Variants in IPCEF1 observed in about 807,000 individuals in gnomAD.
IPCEF1 encodes the protein interactor protein for cytohesin exchange factors 1.
A neutral mutation model predicts 50.9 loss-of-function variants in IPCEF1; 31 were observed. The observed-to-expected ratio is 0.61, with a 90% CI of 0.46 to 0.82. The LOEUF is 0.82. Among genes scored for constraint, IPCEF1 ranks in the 40% least tolerant of loss-of-function variants. The pLI, the probability that IPCEF1 is intolerant of heterozygous loss-of-function variation, is 0.00. For missense variants in IPCEF1, 458 were observed against 514.0 expected, an observed-to-expected ratio of 0.89 and a Z score of 1.05; for synonymous variants, 181 against 192.0, an observed-to-expected ratio of 0.94 and a Z score of 0.47.
chr6:154,236,048 C>T (rs1377472883), intron 5 of IPCEF1, among the ~76,000 whole-genome samples: 2 of 152,160 alleles, frequency 1.3e-5, no homozygotes, highest in Non-Finnish European at 2.9e-5. Flanking sequence ...AGCAATTCCA[C>T]CTCTAGGTAT....
intron 3 of IPCEF1, 103 bp downstream of exon 3, chr6:154,265,809 T>C: frequency 2.5e-6 from 2 of 789,340 alleles, no homozygotes; most frequent in Non-Finnish European, 4.2e-6. Flanking sequence ...CTAATGAAAT[T>C]GAGGACAATA....
At chr6:154,250,135 A>G (rs930035669) in intron 3 of IPCEF1, among the ~76,000 whole-genome samples, 5 of 152,148 alleles carry the variant, frequency 3.3e-5, no homozygotes, top group African/African-American at 1.2e-4. Context: ...GACAGTGAAA[A>G]CAATCTTTGA....
chr6:154,294,838 G>T (rs975394081), intron 1 of IPCEF1, among the ~76,000 whole-genome samples: 30 of 152,128 alleles, frequency 2.0e-4, no homozygotes, highest in Admixed American at 7.2e-4. Context: ...AGGAGTTCAA[G>T]ATCACCCTGG....
chr6:154,220,489 G>A (rs1005173319), intron 7 of IPCEF1, among the ~76,000 whole-genome samples: 7 of 152,012 alleles, frequency 4.6e-5, no homozygotes, highest in Non-Finnish European at 1.0e-4. Context: ...AAACCCACAA[G>A]AAACACAAAA....
At chr6:154,164,704 C>T (rs933294646) in intron 11 of IPCEF1, among the ~76,000 whole-genome samples, 5 of 152,086 alleles carry the variant, frequency 3.3e-5, no homozygotes, top group African/African-American at 7.2e-5. Flanking sequence ...AGAGTAGCTA[C>T]GGGAAGAAAG....
At chr6:154,211,713 A>C (rs1391240799) in intron 9 of IPCEF1, among the ~76,000 whole-genome samples, 1 of 152,242 alleles carries the variant, frequency 6.6e-6, no homozygotes, top group African/African-American at 2.4e-5. Flanking sequence ...AAAAAAGATT[A>C]AAAGTGACAT....
chr6:154,347,982 G>T (rs1456289629), intron 1 of IPCEF1, among the ~76,000 whole-genome samples: 1 of 152,128 alleles, frequency 6.6e-6, no homozygotes, highest in African/African-American at 2.4e-5. Flanking sequence ...TACAGCTAAT[G>T]CCAACTTGAA....
chr6:154,332,309 G>GT lies in IPCEF1; in HGVS notation c.-62+24362dup, dbSNP rs1783691958. 3.4e-4 allele frequency among the ~76,000 whole-genome samples: 39 copies of GT among 115,010 alleles called. No homozygotes were observed. In the South Asian group the frequency reaches 0.01, roughly 31 times the overall value. The allele number at this position is 115,010 out of a possible 152,430, so 75.5% of individuals were successfully genotyped here. On this transcript the variant is annotated intron_variant, in intron 1 of 11. Transcript: ENST00000367220. ...AGTGGTTTTTTTTTTTTTTTTTACT[G>GT]TTTTTTTAGAGATAGGGTCATGCTA...
intron 5 of IPCEF1, among the ~76,000 whole-genome samples, chr6:154,239,528 G>A (rs1258493985): frequency 6.6e-6 from 1 of 152,168 alleles, no homozygotes; most frequent in Non-Finnish European, 1.5e-5. Context: ...TTTGATCCAT[G>A]AGTCATTGTC....
intron 8 of IPCEF1, among the ~76,000 whole-genome samples, chr6:154,213,996 G>A (rs566642285): frequency 7.9e-5 from 12 of 152,316 alleles, no homozygotes; most frequent in African/African-American, 2.6e-4. Flanking sequence ...CGGAGTGTGG[G>A]TGAAGTGTGA....
At chr6:154,328,745 T>C (rs958933848) in intron 1 of IPCEF1, among the ~76,000 whole-genome samples, 5 of 152,212 alleles carry the variant, frequency 3.3e-5, no homozygotes, top group African/African-American at 9.6e-5. Context: ...GTGTACTCGT[T>C]TCTAAAATGT....
At chr6:154,279,039 C>A (rs898605049) in intron 2 of IPCEF1, among the ~76,000 whole-genome samples, 4 of 150,434 alleles carry the variant, frequency 2.7e-5, no homozygotes, top group African/African-American at 9.8e-5. Flanking sequence ...GTGAGAGGAT[C>A]CCTTGAACCT....
intron 9 of IPCEF1, among the ~76,000 whole-genome samples, chr6:154,212,358 C>T (rs576128686): frequency 6.6e-6 from 1 of 152,194 alleles, no homozygotes; most frequent in Non-Finnish European, 1.5e-5. Flanking sequence ...TCTGGCTCTC[C>T]TTTTTTCTTT....
intron 5 of IPCEF1, among the ~76,000 whole-genome samples, chr6:154,233,440 GT>G (rs991216778): frequency 2.6e-5 from 4 of 152,012 alleles, no homozygotes; most frequent in Non-Finnish European, 5.9e-5. Context: ...TTGCGTTTGG[GT>G]TTAGCTAACA....
chr6:154,182,653 T>C (rs1183841837), intron 10 of IPCEF1, among the ~76,000 whole-genome samples: 1 of 152,166 alleles, frequency 6.6e-6, no homozygotes, highest in African/African-American at 2.4e-5. Context: ...TAAAATACGT[T>C]TATGAGGTAT....
At chr6:154,349,271 A>G (rs182097718) in intron 1 of IPCEF1, among the ~76,000 whole-genome samples, 1 of 151,918 alleles carries the variant, frequency 6.6e-6, no homozygotes, top group Non-Finnish European at 1.5e-5. Context: ...TGCCTACTGC[A>G]ACCTCAATCT....
intron 1 of IPCEF1, among the ~76,000 whole-genome samples, chr6:154,316,661 A>G (rs574474428): frequency 6.6e-6 from 1 of 152,316 alleles, no homozygotes; most frequent in Admixed American, 6.5e-5. Context: ...AAGTTCAATG[A>G]AACAGGAGAA....
chr6:154,180,185 A>C (rs1198807265), intron 10 of IPCEF1, among the ~76,000 whole-genome samples: 1 of 152,086 alleles, frequency 6.6e-6, no homozygotes, highest in Non-Finnish European at 1.5e-5. Context: ...TCCCTGCTTA[A>C]AAGTGTCAGT....
rs931051968 is a variant in IPCEF1 at position 154,247,252 on chromosome 6, G to A, written c.76+197C>T. On this transcript the variant is annotated intron_variant, in intron 4 of 11. Transcript: ENST00000367220. The stretch of plus-strand genomic sequence containing the variant: ...TTTCTAAGCTCTTTTGACATACCAC[G>A]AGGGATTAATCCAAATGAACAACAT... The A allele has an allele frequency of 4.0e-5, 22 of 552,404 alleles. 1 individual carries two copies. Among genetic ancestry groups the A allele is most frequent in the South Asian group, 2.2e-4 (9 of 40,384 alleles). 34.2% of individuals were successfully genotyped at this position (552,404 alleles called of 1,614,324 possible).
Sources: gnomAD v4.1 joint callset for allele counts (sites outside exome capture counted in the v4.1 genomes callset) on GRCh38, gnomAD v4.1.1 for gene constraint, MANE v1.5 for transcripts, NCBI Gene and HGNC (gene_info 2026-07-23, HGNC 2026-07-21) for gene names.